CCDC146: variants seen among roughly 807,000 people sequenced by gnomAD.
CCDC146 encodes coiled-coil domain-containing protein 146.
Under a neutral mutation model 119.3 loss-of-function variants are expected in CCDC146, and 92 were observed. The observed-to-expected ratio is 0.77, with a 90% CI of 0.65 to 0.92. The LOEUF (loss-of-function observed/expected upper bound fraction) is 0.92. CCDC146 is among the 40% of genes least tolerant of loss of function. The pLI, the probability that CCDC146 is intolerant of heterozygous loss-of-function variation, is 0.00. For synonymous variants in CCDC146, 372 were observed against 371.8 expected, an observed-to-expected ratio of 1.00 and a Z score of -0.01; for missense variants, 1,000 against 1,103.0, an observed-to-expected ratio of 0.91 and a Z score of 1.32.
chr7:77,289,094 C>T lies in CCDC146; in HGVS notation c.2415+1517C>T, dbSNP rs888313483. 5.9e-5 allele frequency among the ~76,000 whole-genome samples: 9 copies of T among 151,674 alleles called. No individual in the cohort carries two copies. In the South Asian group the frequency reaches 8.3e-4, roughly 14 times the overall value. On this transcript the variant is annotated intron_variant, in intron 17 of 18. Transcript: ENST00000285871. ...CTAAGGTACAAAGTTGTGAGTCACA[C>T]GTCTGCCACTGGACTGATGCGAAGG...
chr7:77,216,008 T>C lies in CCDC146; in HGVS notation c.157-20939T>C, dbSNP rs532540139. Among the ~76,000 whole-genome samples, 10 of 152,234 alleles carry C rather than the reference T, an allele frequency of 6.6e-5. No homozygotes were observed. In the East Asian group the frequency reaches 1.9e-3, roughly 29 times the overall value. ...GCTTGTATCCCTAACCCCCCCACCT[T>C]GTTTCCTCCCTTTTCCTGTAACAAC... On this transcript the variant is annotated intron_variant, in intron 2 of 18. Coordinates refer to ENST00000285871, the MANE Select transcript of CCDC146 (RefSeq NM_020879.3).
intron 2 of CCDC146, among the ~76,000 whole-genome samples, chr7:77,206,910 A>T (rs1792092622): frequency 6.6e-6 from 1 of 152,148 alleles, no homozygotes; most frequent in African/African-American, 2.4e-5. Context: ...TGAAAATATT[A>T]AACTACTAAT....
At chr7:77,224,017 C>G (rs1275966396) in intron 2 of CCDC146, among the ~76,000 whole-genome samples, 1 of 152,000 alleles carries the variant, frequency 6.6e-6, no homozygotes, top group African/African-American at 2.4e-5. Flanking sequence ...TAGGAGTGTT[C>G]CAAGTAGATA....
chr7:77,147,564 A>G (rs1053721811), intron 1 of CCDC146, among the ~76,000 whole-genome samples: 3 of 152,046 alleles, frequency 2.0e-5, no homozygotes, highest in African/African-American at 7.2e-5. Flanking sequence ...GTCTTTGATG[A>G]TGGTGACGTA....
intron 17 of CCDC146, among the ~76,000 whole-genome samples, chr7:77,288,080 C>T (rs1292624429): frequency 6.6e-6 from 1 of 152,154 alleles, no homozygotes; most frequent in East Asian, 1.9e-4. Context: ...GAATACAGAA[C>T]CCCCTAATTT....
chr7:77,248,341 G>A lies in CCDC146; in HGVS notation c.450-6165G>A, dbSNP rs750683385. ...GGGTATACATGTATATAATTTGAGT[G>A]ATGGTTGTACCAAAAGCCCTGACGT... is the stretch of plus-strand genomic sequence containing the variant. On this transcript the variant is annotated intron_variant, in intron 4 of 18. Transcript: ENST00000285871. 1.2e-4 allele frequency among the ~76,000 whole-genome samples: 19 copies of A among 152,210 alleles called. 1 individual carries two copies. The highest frequency in any genetic ancestry group is 2.9e-5 in the Non-Finnish European group (2 of 68,036).
chr7:77,159,284 T>A (rs979455307), intron 1 of CCDC146, among the ~76,000 whole-genome samples: 1 of 152,106 alleles, frequency 6.6e-6, no homozygotes, highest in African/African-American at 2.4e-5. Flanking sequence ...TGAAATTTTG[T>A]ACTCTTTAAC....
chr7:77,149,386 C>T (rs910620069), intron 1 of CCDC146, among the ~76,000 whole-genome samples: 2 of 152,128 alleles, frequency 1.3e-5, no homozygotes, highest in African/African-American at 4.8e-5. Context: ...CTGCTAGCTT[C>T]TCAATTTGGA....
At chr7:77,252,823 C>T (rs547235854) in intron 4 of CCDC146, among the ~76,000 whole-genome samples, 1 of 152,222 alleles carries the variant, frequency 6.6e-6, no homozygotes, top group Non-Finnish European at 1.5e-5. Flanking sequence ...GTCATGCAGC[C>T]ACGTCTGTCC....
At chr7:77,172,552 C>T (rs1013554017) in intron 2 of CCDC146, among the ~76,000 whole-genome samples, 6 of 152,166 alleles carry the variant, frequency 3.9e-5, no homozygotes, top group African/African-American at 1.2e-4. Flanking sequence ...GTCATGCTCT[C>T]GTCTCATATT....
intron 2 of CCDC146, among the ~76,000 whole-genome samples, chr7:77,231,819 T>TTG (rs1491186786): frequency 1.0e-5 from 1 of 98,524 alleles, no homozygotes; most frequent in East Asian, 2.2e-4. Context: ...GTTGTTGTTG[T>TTG]TTTTTTTTTT....
intron 9 of CCDC146, among the ~76,000 whole-genome samples, chr7:77,273,314 A>T (rs1038332713): frequency 6.6e-6 from 1 of 152,254 alleles, no homozygotes; most frequent in African/African-American, 2.4e-5. Context: ...GTTAGCTATT[A>T]GTAAGATTTA....
intron 1 of CCDC146, among the ~76,000 whole-genome samples, chr7:77,140,095 A>G (rs1477862952): frequency 2.0e-5 from 3 of 151,814 alleles, no homozygotes; most frequent in African/African-American, 4.8e-5. Flanking sequence ...AGGTTTCACC[A>G]TGTTGGCCAG....
intron 9 of CCDC146, among the ~76,000 whole-genome samples, chr7:77,262,996 G>T (rs1793330991): frequency 6.6e-6 from 1 of 152,220 alleles, no homozygotes; most frequent in African/African-American, 2.4e-5. Context: ...CGAAAAAGGG[G>T]TCAGCCTCTG....
intron 2 of CCDC146, among the ~76,000 whole-genome samples, chr7:77,224,170 T>G (rs922045447): frequency 6.6e-6 from 1 of 152,204 alleles, no homozygotes. Flanking sequence ...CATCTAATAA[T>G]TCTGTAGGTC....
At chr7:77,178,799 G>C (rs913042434) in intron 2 of CCDC146, among the ~76,000 whole-genome samples, 2 of 152,180 alleles carry the variant, frequency 1.3e-5, no homozygotes, top group African/African-American at 4.8e-5. Flanking sequence ...GAGAAGGTTG[G>C]CTTTGGAAAG....
intron 2 of CCDC146, among the ~76,000 whole-genome samples, chr7:77,222,645 G>A (rs1311545659): frequency 6.6e-6 from 1 of 152,252 alleles, no homozygotes; most frequent in Non-Finnish European, 1.5e-5. Flanking sequence ...GACAAGGTCA[G>A]GGAAGTGGCT....
chr7:77,260,613 G>T (rs972163778), intron 8 of CCDC146, among the ~76,000 whole-genome samples: 1 of 152,122 alleles, frequency 6.6e-6, no homozygotes, highest in Non-Finnish European at 1.5e-5. Context: ...TTCCCTAGGA[G>T]AGTTTTATGT....
intron 4 of CCDC146, among the ~76,000 whole-genome samples, chr7:77,249,203 A>G (rs796546015): frequency 4.4e-4 from 67 of 152,234 alleles, no homozygotes; most frequent in African/African-American, 1.4e-3. Flanking sequence ...TATATTAAGA[A>G]TCCACTGGCC....
Sources: allele counts gnomAD v4.1 joint callset (sites outside exome capture counted in the v4.1 genomes callset), GRCh38; gene constraint gnomAD v4.1.1; transcripts MANE v1.5; gene names NCBI Gene and HGNC (gene_info 2026-07-23, HGNC 2026-07-21).